Variants in NBEAL2 observed in about 807,000 individuals in gnomAD.
The protein encoded by NBEAL2 is neurobeachin like 2, also known as neurobeachin-like protein 2.
Under a neutral mutation model 299.8 loss-of-function variants are expected in NBEAL2, and 160 were observed. The observed-to-expected ratio is 0.53, with a 90% CI of 0.47 to 0.61. The LOEUF (loss-of-function observed/expected upper bound fraction) is 0.61, where lower values mean the gene tolerates loss of function less well. NBEAL2 is among the 20% of genes least tolerant of loss of function. NBEAL2 has a pLI of 0.00. For missense variants in NBEAL2, 3,112 were observed against 3,649.0 expected (o/e 0.85, Z 3.79); for synonymous variants, 1,493 against 1,542.3 (o/e 0.97, Z 0.75).
Position 47,009,677 on chromosome 3 carries a change from G to A in NBEAL2, c.*357G>A. ...CGGCGGCCCCGGTTCTCCCTTCTCGGCAATAAACCAGGCCTAGTTTTGTAG... is the reference window on the plus strand; with the variant it reads ...CGGCGGCCCCGGTTCTCCCTTCTCGACAATAAACCAGGCCTAGTTTTGTAG... On this transcript the variant is annotated 3_prime_UTR_variant, in exon 54 of 54. Coordinates refer to ENST00000450053, the MANE Select transcript of NBEAL2 (RefSeq NM_015175.3). 3.3e-6 allele frequency: 1 copy of A among 304,190 alleles called. No individual in the cohort carries two copies. The allele number at this position is 304,190 out of a possible 1,614,324, so 18.8% of individuals were successfully genotyped here.
chr3:47,002,085 G>T lies in NBEAL2; in HGVS notation c.4948G>T (p.Ala1650Ser). The T allele has an allele frequency of 6.5e-7, 1 of 1,545,136 alleles. No individual in the cohort carries two copies. Among genetic ancestry groups the T allele is most frequent in the Non-Finnish European group, 8.7e-7 (1 of 1,143,070 alleles). The change falls in exon 31 of 54, where the codon GCA (alanine) becomes TCA (serine). Residue 1650 changes from alanine (A) to serine (S), a missense_variant. By Grantham distance (99) the Ala-to-Ser change is moderately conservative. Around this residue, in one of 3 missense-constraint regions of NBEAL2, gnomAD observed 2,243 missense variants for 2,538.1 expected, o/e 0.88. Coordinates refer to ENST00000450053, the MANE Select transcript of NBEAL2 (RefSeq NM_015175.3). ...SATDEAGSPL[A>S]AAAAAAAAER... ...CACTGATGAGGCAGGGTCCCCACTT[G>T]CAGCTGCAGCAGCTGCAGCAGCTGC...
Position 46,995,509 on chromosome 3 carries a change from G to A in NBEAL2, c.1774G>A (p.Val592Ile). Reference protein sequence around the residue: ...DLTPSMAGIMVPPVQRWPGPG... With the variant: ...DLTPSMAGIMIPPVQRWPGPG... Reference sequence around the variant, plus strand: ...CACGCCCAGCATGGCGGGCATCATGGTACCCCCTGTACAGCGATGGCCAGG... The same window carrying A: ...CACGCCCAGCATGGCGGGCATCATGATACCCCCTGTACAGCGATGGCCAGG... Residue 592 changes from valine to isoleucine, a missense_variant, in exon 13 of 54, where the codon GTA (valine) becomes ATA (isoleucine). Physicochemically the swap from Val to Ile is conservative, Grantham distance 29. Coordinates refer to ENST00000450053, the MANE Select transcript of NBEAL2 (RefSeq NM_015175.3). 1 of 1,612,880 alleles carries A rather than the reference G, an allele frequency of 6.2e-7. No individual in the cohort carries two copies. The highest frequency in any genetic ancestry group is 8.5e-7 in the Non-Finnish European group (1 of 1,179,884).
Position 47,004,298 on chromosome 3 carries a change from G to A in NBEAL2, c.6103G>A (p.Val2035Met), listed in dbSNP as rs1661879401. Residue 2035 changes from valine (V) to methionine (M), a missense_variant, in exon 37 of 54, where the codon GTG becomes ATG. By Grantham distance (21) the Val-to-Met change is conservative (BLOSUM62 1). Coordinates refer to ENST00000450053, the MANE Select transcript of NBEAL2 (RefSeq NM_015175.3). This position sits in a 1 kb window ranked among gnomAD's most constrained non-coding sequence, Gnocchi z 5.0. Reference protein sequence around the residue: ...IPPHTQVRNQVYSWLLRLRPP... With the variant: ...IPPHTQVRNQMYSWLLRLRPP... ...ACCCCATACCCAGGTACGGAACCAG[G>A]TGTACTCGTGGCTCCTGCGCCTACG... 1 of 1,613,180 alleles carries A rather than the reference G, an allele frequency of 6.2e-7. No homozygotes were observed. Among genetic ancestry groups the A allele is most frequent in the Non-Finnish European group, 8.5e-7 (1 of 1,179,568 alleles).
Position 46,998,578 on chromosome 3 carries a change from G to C in NBEAL2, c.3221+13G>C, listed in dbSNP as rs1426705665. Reference sequence around the variant, plus strand: ...GCACCCACTACAGGTGAGGCCAGTGGGGCCAGATGGGCCATGGGGGGCTGA... The same window carrying C: ...GCACCCACTACAGGTGAGGCCAGTGCGGCCAGATGGGCCATGGGGGGCTGA... On this transcript the variant is annotated intron_variant, in intron 22 of 53. Transcript: ENST00000450053. 2 of 1,602,312 alleles carry C rather than the reference G, an allele frequency of 1.2e-6. No individual in the cohort carries two copies. The highest frequency in any genetic ancestry group is 3.4e-5 in the Admixed American group (2 of 58,146).
In NBEAL2 at chr3:46,999,052, G is replaced by A. The variant is rs1017788623; in HGVS notation, c.3478G>A (p.Glu1160Lys). ...CTTTCTGTTGGAGCCAGGGAACCTC[G>A]AAGTGCTACTGGCCCTGCTAGTGCG... ...AVFLLEPGNL[E>K]VLLALLVRPG... The change falls in exon 24 of 54, where the codon GAA becomes AAA. Residue 1160 changes from glutamate (E) to lysine (K), a missense_variant. This residue lies in a region of NBEAL2 where 2,243 missense variants were observed against 2,538.1 expected (regional missense o/e 0.88). Transcript: ENST00000450053. 68 of 1,596,550 alleles carry A rather than the reference G, an allele frequency of 4.3e-5. No individual in the cohort carries two copies. The highest frequency in any genetic ancestry group is 5.6e-5 in the Non-Finnish European group (66 of 1,172,026).
rs774574981 is a variant in NBEAL2, at chr3:47,005,125, C to A, written c.6419+29C>A. 10 of 1,613,678 alleles carry A rather than the reference C, an allele frequency of 6.2e-6. No individual in the cohort carries two copies. The African/African-American group carries it at 1.1e-4, about 17-fold the overall frequency. On this transcript the variant is annotated intron_variant, in intron 39 of 53. Coordinates refer to ENST00000450053, the MANE Select transcript of NBEAL2 (RefSeq NM_015175.3). ...AGCATGTGGGCAGGGCTGGGCTCAGCGGGTAGGGAAAGGCGAGGGGAGGGC... is the reference window on the plus strand; with the variant it reads ...AGCATGTGGGCAGGGCTGGGCTCAGAGGGTAGGGAAAGGCGAGGGGAGGGC...
Position 46,996,318 on chromosome 3 carries a change from C to T in NBEAL2, c.2199C>T (p.Thr733=). ...CIGSAGYRTT[T]TTTGLPTPPV... is the part of the protein sequence containing the mutation. ...GCTCCGCTGGATACCGCACAACGACCACCACCACAGGGCTGCCCACACCAC... is the reference window on the plus strand; with the variant it reads ...GCTCCGCTGGATACCGCACAACGACTACCACCACAGGGCTGCCCACACCAC... Residue 733 remains threonine, a synonymous_variant, in exon 16 of 54, where the codon ACC becomes ACT. Transcript: ENST00000450053. The T allele has an allele frequency of 2.5e-6, 4 of 1,611,122 alleles. No homozygotes were observed. Among genetic ancestry groups the T allele is most frequent in the Non-Finnish European group, 3.4e-6 (4 of 1,179,856 alleles).
chr3:46,995,490 C>A lies in NBEAL2; in HGVS notation c.1755C>A (p.Pro585=). 1 of 1,612,926 alleles carries A rather than the reference C, an allele frequency of 6.2e-7. No individual in the cohort carries two copies. The highest frequency in any genetic ancestry group is 1.1e-5 in the South Asian group (1 of 91,090). The change falls in exon 13 of 54, where the codon CCC becomes CCA. Residue 585 remains proline (P), a synonymous_variant. Transcript: ENST00000450053. ...ARALRYFDLT[P]SMAGIMVPPV... ...CTCTGCGCTACTTTGACCTCACGCC[C>A]AGCATGGCGGGCATCATGGTACCCC...
rs1012962704 is a variant in NBEAL2 at position 46,982,738 on chromosome 3, G to A, written c.51+2826G>A. 1.3e-5 allele frequency among the ~76,000 whole-genome samples: 2 copies of A among 152,188 alleles called. No homozygotes were observed. The highest frequency in any genetic ancestry group is 6.5e-5 in the Admixed American group (1 of 15,284). On this transcript the variant is annotated intron_variant, in intron 1 of 53. Coordinates refer to ENST00000450053, the MANE Select transcript of NBEAL2 (RefSeq NM_015175.3). This position sits in a 1 kb window ranked among gnomAD's most constrained non-coding sequence, Gnocchi z 4.2. The stretch of plus-strand genomic sequence containing the variant: ...GAGTTTGGGCTTTGAAGGCTGAGAG[G>A]AAGAAACAGCAGGAGCAGTGGGACA...
chr3:46,992,538 G>A lies in NBEAL2; in HGVS notation c.1096G>A (p.Glu366Lys). Residue 366 changes from glutamate to lysine, a missense_variant, in exon 10 of 54, where the codon GAG becomes AAG. Transcript: ENST00000450053. Reference protein sequence around the residue: ...DSDLATRLLTEPDVQKVLDQD... With the variant: ...DSDLATRLLTKPDVQKVLDQD... ...TGACCTGGCTACCCGGTTACTGACT[G>A]AGCCCGATGTCCAAAAGGTACCATC... is the stretch of plus-strand genomic sequence containing the variant. The A allele has an allele frequency of 1.3e-6, 2 of 1,599,840 alleles. No homozygotes were observed. The highest frequency in any genetic ancestry group is 1.7e-6 in the Non-Finnish European group (2 of 1,173,642).
Position 47,002,180 on chromosome 3 carries a change from G to A in NBEAL2, c.5043G>A (p.Leu1681=), listed in dbSNP as rs980934201. 5 of 1,528,342 alleles carry A rather than the reference G, an allele frequency of 3.3e-6. No homozygotes were observed. In the African/African-American group the frequency reaches 6.9e-5, roughly 21 times the overall value. 94.7% of individuals were successfully genotyped at this position (1,528,342 alleles called of 1,614,324 possible). Residue 1681 remains leucine, a synonymous_variant, in exon 31 of 54, where the codon CTG becomes CTA. Transcript: ENST00000450053. ...ACCGTGCCTATGAGCCGCTGGGGCT[G>A]CAGTGGGGACTGCCCTCCCTGCCAC... ...LLDRAYEPLG[L]QWGLPSLPPT...
chr3:47,004,028 G>C lies in NBEAL2; in HGVS notation c.5882-49G>C. 1.2e-6 allele frequency: 2 copies of C among 1,606,318 alleles called. No homozygotes were observed. The highest frequency in any genetic ancestry group is 1.7e-6 in the Non-Finnish European group (2 of 1,174,466). On this transcript the variant is annotated intron_variant, in intron 36 of 53. Transcript: ENST00000450053. This position sits in a 1 kb window ranked among gnomAD's most constrained non-coding sequence, Gnocchi z 5.0. ...GGATGGCAGGGAATGGCTGAGCTCT[G>C]GGTGGGGCTGGGGTGAGTGACTCCC...
At chr3:46,983,653 T>G (rs1343713936) in intron 1 of NBEAL2, among the ~76,000 whole-genome samples, 1 of 152,076 alleles carries the variant, frequency 6.6e-6, no homozygotes, top group East Asian at 1.9e-4. Context: ...CTTCCTGAAA[T>G]GGGTAAAGGG....
Position 47,000,784 on chromosome 3 carries a change from G to A in NBEAL2, c.4306-217G>A, listed in dbSNP as rs1413018779. On this transcript the variant is annotated intron_variant, in intron 27 of 53. Coordinates refer to ENST00000450053, the MANE Select transcript of NBEAL2 (RefSeq NM_015175.3). This position sits in a 1 kb window ranked among gnomAD's most constrained non-coding sequence, Gnocchi z 4.5. ...CTGCCTCATCTCCTCTTGGGAGTCT[G>A]GCAAGACCCCAGGATTCTGCCTGGA... Among the ~76,000 whole-genome samples, 1 of 152,184 alleles carries A rather than the reference G, an allele frequency of 6.6e-6. No individual in the cohort carries two copies. The highest frequency in any genetic ancestry group is 2.4e-5 in the African/African-American group (1 of 41,438).
intron 14 of NBEAL2, 21 bp downstream of exon 14, chr3:46,995,867 T>C (rs1194246611): frequency 1.9e-6 from 3 of 1,613,620 alleles, no homozygotes; most frequent in Non-Finnish European, 2.5e-6. Flanking sequence ...ATCCTTCTCA[T>C]GTGGCCCAGT....
Position 47,001,152 on chromosome 3 carries a change from T to C in NBEAL2, c.4457T>C (p.Val1486Ala). Reference protein sequence around the residue: ...LTQLGASATLVRPPDCIKRSL... With the variant: ...LTQLGASATLARPPDCIKRSL... ...CAGCTGGGGGCCTCAGCCACACTTG[T>C]GCGCCCACCAGACTGCATCAAGCGC... is the stretch of plus-strand genomic sequence containing the variant. The change falls in exon 28 of 54, where the codon GTG (valine) becomes GCG (alanine). Residue 1486 changes from valine (V) to alanine (A), a missense_variant. Around this residue, in one of 3 missense-constraint regions of NBEAL2, gnomAD observed 2,243 missense variants for 2,538.1 expected, o/e 0.88. Coordinates refer to ENST00000450053, the MANE Select transcript of NBEAL2 (RefSeq NM_015175.3). The surrounding 1 kb of genome is among the most constrained non-coding windows in gnomAD (Gnocchi z 6.1). The C allele has an allele frequency of 6.2e-7, 1 of 1,612,576 alleles. No homozygotes were observed. Among genetic ancestry groups the C allele is most frequent in the Non-Finnish European group, 8.5e-7 (1 of 1,179,510 alleles).
chr3:46,995,881 G>A (rs1158393701), intron 14 of NBEAL2, 35 bp downstream of exon 14: 2 of 1,613,532 alleles, frequency 1.2e-6, no homozygotes, highest in Non-Finnish European at 1.7e-6. Flanking sequence ...GCCCAGTAGA[G>A]AGAGGGGTGC....
At chr3:46,987,927 T>C in intron 1 of NBEAL2, 1 of 1,166,412 alleles carries the variant, frequency 8.6e-7, no homozygotes, top group East Asian at 6.3e-5. Context: ...GCGGTCCCCC[T>C]CCCCCACCGT....
intron 11 of NBEAL2, 125 bp from the exon 12 acceptor site, chr3:46,994,330 C>G: frequency 5.8e-6 from 5 of 865,662 alleles, no homozygotes; most frequent in Non-Finnish European, 9.3e-6. Context: ...CCAGCACTGT[C>G]ACCCAGAGGC....
Sources: gnomAD v4.1 joint callset for allele counts (sites outside exome capture counted in the v4.1 genomes callset) on GRCh38, gnomAD v4.1.1 for gene constraint, gnomAD v4.1.1 regional missense constraint, Gnocchi (gnomAD v3.1) non-coding constraint, MANE v1.5 for transcripts, NCBI Gene and HGNC (gene_info 2026-07-23, HGNC 2026-07-21) for gene names.